The following KIF19 variants were observed in gnomAD, a reference collection of about 807,000 sequenced individuals.
KIF19 encodes kinesin family member 19.
In KIF19, 98 loss-of-function variants were observed where a neutral mutation model predicts 106.6. The observed-to-expected ratio is 0.92, with a 90% CI of 0.78 to 1.09. The LOEUF (loss-of-function observed/expected upper bound fraction) is 1.09, where lower values mean the gene tolerates loss of function less well. KIF19 is among the 50% of genes least tolerant of loss of function. The pLI is 0.00. For missense variants in KIF19, 1,373 were observed against 1,414.3 expected, an observed-to-expected ratio of 0.97 and a Z score of 0.47; for synonymous variants, 516 against 584.2, an observed-to-expected ratio of 0.88 and a Z score of 1.68.
chr17:74,352,939 C>T lies in KIF19; in HGVS notation c.2099C>T (p.Pro700Leu). 2 of 1,613,862 alleles carry T rather than the reference C, an allele frequency of 1.2e-6. No homozygotes were observed. The highest frequency in any genetic ancestry group is 2.2e-5 in the South Asian group (2 of 91,078). The change falls in exon 15 of 20, where the codon CCC becomes CTC. Residue 700 changes from proline to leucine, a missense_variant. Transcript: ENST00000389916. Reference sequence around the variant, plus strand: ...CACCTGCAGAACAGCGCCCTCCCTCCCCTCAGCACAGAGAGGTGAGATGGG... The same window carrying T: ...CACCTGCAGAACAGCGCCCTCCCTCTCCTCAGCACAGAGAGGTGAGATGGG... ...AQHLQNSALP[P>L]LSTESEGHHV...
chr17:74,352,966 G>A lies in KIF19; in HGVS notation c.2114+12G>A, dbSNP rs1319157445. 6.2e-7 allele frequency: 1 copy of A among 1,612,844 alleles called. No individual in the cohort carries two copies. The highest frequency in any genetic ancestry group is 8.5e-7 in the Non-Finnish European group (1 of 1,179,640). ...CTCAGCACAGAGAGGTGAGATGGGG[G>A]CCACCTGCCCCAGCCCCCACCCTGT... On this transcript the variant is annotated intron_variant, in intron 15 of 19. Coordinates refer to ENST00000389916, the MANE Select transcript of KIF19 (RefSeq NM_153209.4).
rs1252427141 is a variant in KIF19, at chr17:74,354,262, C to T, written c.2409C>T (p.Pro803=). ...LGTEGRHLLA[P]ATERSSLSLH... is the part of the protein sequence containing the mutation. The stretch of plus-strand genomic sequence containing the variant: ...CCGAGGGGCGACACCTGCTGGCACC[C>T]GCGACAGAGCGCAGCAGCCTGTCCC... Residue 803 remains proline, a synonymous_variant, in exon 18 of 20, where the codon CCC becomes CCT. Transcript: ENST00000389916. The T allele has an allele frequency of 3.7e-6, 6 of 1,608,284 alleles. No homozygotes were observed. The highest frequency in any genetic ancestry group is 2.2e-5 in the East Asian group (1 of 44,864).
rs893124819 is a variant in KIF19 at position 74,350,343 on chromosome 17, G to A, written c.1214-58G>A. On this transcript the variant is annotated intron_variant, in intron 10 of 19. Coordinates refer to ENST00000389916, the MANE Select transcript of KIF19 (RefSeq NM_153209.4). Reference sequence around the variant, plus strand: ...GAGGGGAGGGGCCCAGGTGGGCCCAGGCTTTGCTAGCTGAACTTGCCGCCT... The same window carrying A: ...GAGGGGAGGGGCCCAGGTGGGCCCAAGCTTTGCTAGCTGAACTTGCCGCCT... 2.0e-6 allele frequency: 3 copies of A among 1,504,872 alleles called. No individual in the cohort carries two copies. In the East Asian group the frequency reaches 7.4e-5, roughly 37 times the overall value. 93.2% of individuals were successfully genotyped at this position (1,504,872 alleles called of 1,614,324 possible).
At chr17:74,340,549 G>A (rs1315695789) in intron 2 of KIF19, among the ~76,000 whole-genome samples, 3 of 1,636 alleles carry the variant, frequency 1.8e-3, no homozygotes, top group Admixed American at 0.023. Context: ...GCAGGTATGC[G>A]CGCGCGTACA....
chr17:74,326,252 C>T lies in KIF19; in HGVS notation c.-98C>T, dbSNP rs1258779281. Reference sequence around the variant, plus strand: ...GGTTGTCAGGCAGCGCGCGAGGCGGCGGGCAGCTAGCAGCTGGCGGACGCG... The same window carrying T: ...GGTTGTCAGGCAGCGCGCGAGGCGGTGGGCAGCTAGCAGCTGGCGGACGCG... On this transcript the variant is annotated 5_prime_UTR_variant, in exon 1 of 20. Transcript: ENST00000389916. 6 of 1,142,168 alleles carry T rather than the reference C, an allele frequency of 5.3e-6. No homozygotes were observed. The highest frequency in any genetic ancestry group is 7.3e-6 in the Non-Finnish European group (6 of 816,642). 70.8% of individuals were successfully genotyped at this position (1,142,168 alleles called of 1,614,324 possible).
At chr17:74,353,381 A>C in intron 16 of KIF19, 80 bp downstream of exon 16, 1 of 1,451,410 alleles carries the variant, frequency 6.9e-7, no homozygotes, top group East Asian at 2.5e-5. Flanking sequence ...AGCAGTTGGG[A>C]TGGACCCTTT....
chr17:74,332,916 GACAGGA>G (rs1238609455), intron 2 of KIF19, among the ~76,000 whole-genome samples: 1 of 152,218 alleles, frequency 6.6e-6, no homozygotes, highest in Non-Finnish European at 1.5e-5. Flanking sequence ...CTCATCAGAA[GACAGGA>G]GAACAGGAAA....
intron 1 of KIF19, among the ~76,000 whole-genome samples, chr17:74,326,681 G>A (rs1204410266): frequency 6.6e-6 from 1 of 151,710 alleles, no homozygotes; most frequent in African/African-American, 2.4e-5. Flanking sequence ...GATGAATCTC[G>A]GCTCTCTCAT....
In KIF19 at chr17:74,352,134, G is replaced by A. The variant is rs202088397; in HGVS notation, c.1855G>A (p.Asp619Asn). The stretch of plus-strand genomic sequence containing the variant: ...TATCCAGGGCCAGCGGCAGATCATC[G>A]ACGGTAGGGCCCACGCCCCCGCGCA... ...EIIQGQRQII[D>N]DYNLAVPQRL... Residue 619 changes from aspartate (D) to asparagine (N), a missense_variant, in exon 13 of 20, where the codon GAC becomes AAC. Physicochemically the swap from Asp to Asn is conservative, Grantham distance 23. This residue lies in a region of KIF19 where 1,020 missense variants were observed against 1,008.2 expected (regional missense o/e 1.01). Transcript: ENST00000389916. 3.2e-6 allele frequency: 5 copies of A among 1,581,282 alleles called. No individual in the cohort carries two copies. In the East Asian group the frequency reaches 6.8e-5, roughly 22 times the overall value.
intron 5 of KIF19, among the ~76,000 whole-genome samples, chr17:74,343,522 A>C (rs969312389): frequency 6.6e-6 from 1 of 152,212 alleles, no homozygotes; most frequent in Admixed American, 6.5e-5. Context: ...ATACATGTAC[A>C]GTCTGGAACC....
chr17:74,326,382 A>G lies in KIF19; in HGVS notation c.33A>G (p.Gln11=). ...ACAGCGGGGACTCCAAGGACCAGCA[A>G]CTCATGGTGAGACCCTTTTAGACCC... MKDSGDSKDQ[Q]LMVALRVRPI... Residue 11 remains glutamine (Q), a synonymous_variant, in exon 1 of 20, where the codon CAA becomes CAG. Transcript: ENST00000389916. 1.2e-5 allele frequency: 20 copies of G among 1,612,840 alleles called. No individual in the cohort carries two copies. The highest frequency in any genetic ancestry group is 1.7e-5 in the Non-Finnish European group (20 of 1,179,502).
chr17:74,354,343 G>A lies in KIF19; in HGVS notation c.2490G>A (p.Lys830=), dbSNP rs560312445. 2 of 1,606,308 alleles carry A rather than the reference G, an allele frequency of 1.2e-6. No individual in the cohort carries two copies. Among genetic ancestry groups the A allele is most frequent in the Non-Finnish European group, 1.7e-6 (2 of 1,176,980 alleles). ...DARPPGPLAC[K]RPPSPTLQHA... The stretch of plus-strand genomic sequence containing the variant: ...GGCCACCAGGCCCACTGGCCTGCAA[G>A]CGGCCGCCCAGCCCCACACTACAGC... Residue 830 remains lysine (K), a synonymous_variant, in exon 18 of 20, where the codon AAG becomes AAA. Transcript: ENST00000389916.
rs1277165700 is a variant in KIF19 at position 74,350,455 on chromosome 17, G to A, written c.1268G>A (p.Arg423Gln). The A allele has an allele frequency of 3.7e-6, 6 of 1,609,784 alleles. No individual in the cohort carries two copies. Among genetic ancestry groups the A allele is most frequent in the Admixed American group, 3.3e-5 (2 of 59,702 alleles). ...QGEKAGMGQL[R>Q]EQLASAFQEQ... ...GAGAAGGCTGGCATGGGACAGCTTC[G>A]GGAGCAGCTCGCCAGCGCCTTCCAG... Residue 423 changes from arginine to glutamine, a missense_variant, in exon 11 of 20, where the codon CGG becomes CAG. Transcript: ENST00000389916.
rs921589392 is a variant in KIF19, at chr17:74,351,817, G to A, written c.1588-50G>A. ...AGGGTCGAGGACGAGCTGGGCAGGC[G>A]GATCGGACCCCTCTCCCCGCTGCCA... On this transcript the variant is annotated intron_variant, in intron 12 of 19. Coordinates refer to ENST00000389916, the MANE Select transcript of KIF19 (RefSeq NM_153209.4). 3.4e-5 allele frequency: 47 copies of A among 1,366,582 alleles called. No individual in the cohort carries two copies. In the African/African-American group the frequency reaches 6.8e-4, roughly 20 times the overall value. 84.7% of individuals were successfully genotyped at this position (1,366,582 alleles called of 1,614,324 possible).
chr17:74,354,795 A>G lies in KIF19; in HGVS notation c.2720A>G (p.Lys907Arg). The G allele has an allele frequency of 6.4e-7, 1 of 1,558,134 alleles. No homozygotes were observed. The highest frequency in any genetic ancestry group is 1.7e-4 in the Middle Eastern group (1 of 5,996). ...CAACCATCACAGCTCTCCCACCCCA[A>G]GACACACCTCCTGGGGCCCCATCAG... ...EVTGQGLSHP[K>R]THLLGPHQAE... The change falls in exon 19 of 20, where the codon AAG (lysine) becomes AGG (arginine). Residue 907 changes from lysine to arginine, a missense_variant. By Grantham distance (26) the Lys-to-Arg change is conservative. Coordinates refer to ENST00000389916, the MANE Select transcript of KIF19 (RefSeq NM_153209.4).
At chr17:74,339,546 C>A (rs1010227621) in intron 2 of KIF19, among the ~76,000 whole-genome samples, 20 of 150,076 alleles carry the variant, frequency 1.3e-4, no homozygotes, top group African/African-American at 4.9e-4. Context: ...ACCAATGAGA[C>A]ACCCATTCCC....
In KIF19 at chr17:74,341,908, C is replaced by G. The variant is rs770653923; in HGVS notation, c.153C>G (p.Pro51=). 3 of 1,613,714 alleles carry G rather than the reference C, an allele frequency of 1.9e-6. No individual in the cohort carries two copies. The highest frequency in any genetic ancestry group is 2.2e-5 in the East Asian group (1 of 44,870). The change falls in exon 3 of 20, where the codon CCC becomes CCG. Residue 51 remains proline, a synonymous_variant. Coordinates refer to ENST00000389916, the MANE Select transcript of KIF19 (RefSeq NM_153209.4). ...TTCTCATGGACCCAATGGAGGATCC[C>G]GACGACATCCTGCGGGCGCATCGCT... ...MVVLMDPMED[P]DDILRAHRSR... is the part of the protein sequence containing the mutation.
Position 74,353,600 on chromosome 17 carries a change from G to C in KIF19, c.2308+19G>C, listed in dbSNP as rs1397035906. 1 of 1,597,894 alleles carries C rather than the reference G, an allele frequency of 6.3e-7. No homozygotes were observed. The highest frequency in any genetic ancestry group is 8.6e-7 in the Non-Finnish European group (1 of 1,165,918). On this transcript the variant is annotated intron_variant, in intron 17 of 19. Transcript: ENST00000389916. ...CACAAAGGTATGTGTGCCCTCTGCT[G>C]CCCGGCCACCTCACCTGGCCTTGTC...
Position 74,331,370 on chromosome 17 carries a change from G to A in KIF19, c.120+2865G>A, listed in dbSNP as rs1390385259. Among the ~76,000 whole-genome samples, 1 of 123,360 alleles carries A rather than the reference G, an allele frequency of 8.1e-6. No homozygotes were observed. 80.9% of individuals were successfully genotyped at this position (123,360 alleles called of 152,430 possible). On this transcript the variant is annotated intron_variant, in intron 2 of 19. Coordinates refer to ENST00000389916, the MANE Select transcript of KIF19 (RefSeq NM_153209.4). The surrounding 1 kb of genome is among the most constrained non-coding windows in gnomAD (Gnocchi z 4.1). ...GTCCTGAGTGGGGAGAGGTGGACCG[G>A]GGACACAGTAACCCGCTGGGCTGGG...
Sources: allele counts gnomAD v4.1 joint callset (sites outside exome capture counted in the v4.1 genomes callset), GRCh38; gene constraint gnomAD v4.1.1; regional missense constraint gnomAD v4.1.1; non-coding constraint Gnocchi (gnomAD v3.1); transcripts MANE v1.5; gene names NCBI Gene and HGNC (gene_info 2026-07-23, HGNC 2026-07-21).